The following PDZD2 variants were observed in gnomAD, a reference collection of about 807,000 sequenced individuals.
The protein encoded by PDZD2 is PDZ domain-containing protein 2.
A neutral mutation model predicts 220.7 loss-of-function variants in PDZD2; 90 were observed. The ratio of observed to expected loss-of-function variants is 0.41; its 90% confidence interval spans 0.34 to 0.49. The LOEUF (loss-of-function observed/expected upper bound fraction) is 0.49, where lower values mean the gene tolerates loss of function less well. PDZD2 is among the 20% of genes least tolerant of loss of function. The pLI is 0.28. For missense variants in PDZD2, 3,174 were observed against 3,608.5 expected (o/e 0.88, Z 3.08); for synonymous variants, 1,375 against 1,450.5 (o/e 0.95, Z 1.18).
Position 32,089,100 on chromosome 5 carries a change from G to C in PDZD2, c.5652G>C (p.Lys1884Asn). Residue 1884 changes from lysine to asparagine, a missense_variant, in exon 20 of 25, where the codon AAG becomes AAC. Lys to Asn is a moderately conservative substitution (Grantham distance 94). Transcript: ENST00000438447. The stretch of plus-strand genomic sequence containing the variant: ...GTCAGAAGGCAAAGTGTGGTCCGAA[G>C]CTGAAGAGGCTCAGCCTCAAGGGCA... ...TNGQKAKCGP[K>N]LKRLSLKGKA... 1 of 1,614,124 alleles carries C rather than the reference G, an allele frequency of 6.2e-7. No homozygotes were observed. The highest frequency in any genetic ancestry group is 8.5e-7 in the Non-Finnish European group (1 of 1,180,038).
intron 6 of PDZD2, among the ~76,000 whole-genome samples, chr5:32,032,808 G>A (rs1489013390): frequency 2.0e-5 from 3 of 152,192 alleles, no homozygotes; most frequent in Non-Finnish European, 4.4e-5. Flanking sequence ...TGACTGACGT[G>A]CCTAAACTGC....
intron 1 of PDZD2, among the ~76,000 whole-genome samples, chr5:31,791,590 CAA>C (rs1157216997): frequency 1.1e-3 from 54 of 50,424 alleles, no homozygotes; most frequent in African/African-American, 2.8e-3. Flanking sequence ...AACTCCGTCT[CAA>C]AAAAAAAAAA....
rs561850698 is a variant in PDZD2 at position 31,667,528 on chromosome 5, T to TGACAATGAG, written c.-361+28094_-361+28102dup. On this transcript the variant is annotated intron_variant, in intron 1 of 24. Transcript: ENST00000438447. ...GGCTGGGAAGGCTGCTCTGAGAAAGTGACAATGAGGAGAGGCCTGAGCTAT... is the reference window on the plus strand; with the variant it reads ...GGCTGGGAAGGCTGCTCTGAGAAAGTGACAATGAGGACAATGAGGAGAGGCCTGAGCTAT... Among the ~76,000 whole-genome samples the TGACAATGAG allele has an allele frequency of 5.3e-3, 807 of 151,570 alleles. 9 individuals carry two copies. The highest frequency in any genetic ancestry group is 0.018 in the African/African-American group (762 of 41,300).
chr5:31,684,560 G>A (rs970391907), intron 1 of PDZD2, among the ~76,000 whole-genome samples: 2 of 109,210 alleles, frequency 1.8e-5, no homozygotes, highest in African/African-American at 6.5e-5. Context: ...AGTAGCTAGA[G>A]CAGTTTTTTT....
chr5:31,941,158 C>T (rs1366013159), intron 2 of PDZD2, among the ~76,000 whole-genome samples: 2 of 152,188 alleles, frequency 1.3e-5, no homozygotes, highest in Admixed American at 1.3e-4. Flanking sequence ...GCCTTTTGCA[C>T]CAACATTTCT....
At chr5:31,908,340 T>G in intron 2 of PDZD2, 1 of 280,654 alleles carries the variant, frequency 3.6e-6, no homozygotes. Context: ...CGTCTCCCTT[T>G]AGCTGCCATC....
chr5:31,823,799 C>T (rs978057431), intron 2 of PDZD2, among the ~76,000 whole-genome samples: 2 of 152,188 alleles, frequency 1.3e-5, no homozygotes, highest in Non-Finnish European at 2.9e-5. Flanking sequence ...CATTTCTTTA[C>T]AGATGTTTTA....
chr5:32,002,654 TACTACACACAC>T (rs1561311905), intron 5 of PDZD2, among the ~76,000 whole-genome samples: 1 of 49,990 alleles, frequency 2.0e-5, no homozygotes, highest in African/African-American at 7.4e-5. Context: ...ACACCCCACA[TACTACACACAC>T]ACACCACACA....
Position 32,098,178 on chromosome 5 carries a change from A to T in PDZD2, c.7948-186A>T, listed in dbSNP as rs1212426808. On this transcript the variant is annotated intron_variant, in intron 22 of 24. Transcript: ENST00000438447. This position sits in a 1 kb window ranked among gnomAD's most constrained non-coding sequence, Gnocchi z 4.1. The stretch of plus-strand genomic sequence containing the variant: ...GAGGCTGAGGCAGGAGAATCGCTTG[A>T]ACCCGGGAGGCTGAGATTGCACCAC... Among the ~76,000 whole-genome samples the T allele has an allele frequency of 6.6e-6, 1 of 152,128 alleles. No individual in the cohort carries two copies. Among genetic ancestry groups the T allele is most frequent in the Non-Finnish European group, 1.5e-5 (1 of 68,016 alleles).
chr5:31,680,192 C>T (rs1561379926), intron 1 of PDZD2, among the ~76,000 whole-genome samples: 1 of 152,034 alleles, frequency 6.6e-6, no homozygotes, highest in African/African-American at 2.4e-5. Flanking sequence ...ACGGTGGGCT[C>T]GGGGAGGACA....
intron 2 of PDZD2, among the ~76,000 whole-genome samples, chr5:31,850,559 T>C (rs1221694758): frequency 6.6e-6 from 1 of 151,744 alleles, no homozygotes; most frequent in Non-Finnish European, 1.5e-5. Context: ...CACAGTGTTA[T>C]CAGATGAGAC....
intron 6 of PDZD2, among the ~76,000 whole-genome samples, chr5:32,018,269 A>G (rs1214375902): frequency 6.6e-6 from 1 of 152,188 alleles, no homozygotes; most frequent in East Asian, 1.9e-4. Flanking sequence ...GTGATTCTGA[A>G]GCTCAGTGAG....
At chr5:31,869,958 C>T (rs944806972) in intron 2 of PDZD2, among the ~76,000 whole-genome samples, 6 of 152,084 alleles carry the variant, frequency 3.9e-5, no homozygotes, top group African/African-American at 1.4e-4. Context: ...CTCCCACCAC[C>T]CTTAAAGGCA....
At chr5:31,924,767 A>G (rs1018692661) in intron 2 of PDZD2, among the ~76,000 whole-genome samples, 2 of 152,188 alleles carry the variant, frequency 1.3e-5, no homozygotes, top group Non-Finnish European at 2.9e-5. Context: ...AGCAAAATTG[A>G]TTTCTTAGAG....
intron 6 of PDZD2, 70 bp from the exon 7 acceptor site, chr5:32,037,161 G>A: frequency 1.1e-6 from 1 of 931,668 alleles, no homozygotes; most frequent in Admixed American, 1.9e-5. Context: ...AGATAACATT[G>A]TGGAGGGGGA....
At chr5:31,789,769 C>T (rs1226484899) in intron 1 of PDZD2, among the ~76,000 whole-genome samples, 1 of 151,990 alleles carries the variant, frequency 6.6e-6, no homozygotes, top group Non-Finnish European at 1.5e-5. Flanking sequence ...AAATACAAAA[C>T]TAGCCGGGTG....
At chr5:32,002,045 T>C (rs1489652060) in intron 5 of PDZD2, among the ~76,000 whole-genome samples, 1 of 152,222 alleles carries the variant, frequency 6.6e-6, no homozygotes, top group African/African-American at 2.4e-5. Context: ...CCTGGCGTCA[T>C]AGGTCTCTTT....
In PDZD2 at chr5:31,639,606, C is replaced by T. The variant is rs1275509675; in HGVS notation, c.-361+169C>T. On this transcript the variant is annotated intron_variant, in intron 1 of 24. Transcript: ENST00000438447. This position sits in a 1 kb window ranked among gnomAD's most constrained non-coding sequence, Gnocchi z 4.1. ...GGGAGTGAGGACGCCGAACCGGGGT[C>T]CCACGTTGGGCGGCGCAAACTCCTC... is the stretch of plus-strand genomic sequence containing the variant. Among the ~76,000 whole-genome samples the T allele has an allele frequency of 6.6e-6, 1 of 152,242 alleles. No homozygotes were observed. The highest frequency in any genetic ancestry group is 1.9e-4 in the East Asian group (1 of 5,154).
chr5:31,920,984 T>G (rs1744203345), intron 2 of PDZD2, among the ~76,000 whole-genome samples: 2 of 152,378 alleles, frequency 1.3e-5, no homozygotes, highest in African/African-American at 4.8e-5. Flanking sequence ...CTCCGTTGTC[T>G]GCGTGTGCCG....
Sources: allele counts gnomAD v4.1 joint callset (sites outside exome capture counted in the v4.1 genomes callset), GRCh38; gene constraint gnomAD v4.1.1; non-coding constraint Gnocchi (gnomAD v3.1); transcripts MANE v1.5; gene names NCBI Gene and HGNC (gene_info 2026-07-23, HGNC 2026-07-21).